The following CA12 variants were observed in gnomAD, a reference collection of about 807,000 sequenced individuals.
CA12 encodes the protein carbonate dehydratase XII.
Under a neutral mutation model 46.8 loss-of-function variants are expected in CA12, and 36 were observed. The ratio of observed to expected loss-of-function variants is 0.77; its 90% CI spans 0.59 to 1.02. The LOEUF (loss-of-function observed/expected upper bound fraction) is 1.02, where lower values mean the gene tolerates loss of function less well. Ranked by LOEUF, CA12 falls within the 50% of genes least tolerant of loss-of-function variation. The probability of loss-of-function intolerance (pLI) is 0.00; values close to 1 mark genes in which losing one functional copy is unlikely to be tolerated. For missense variants in CA12, 436 were observed against 451.4 expected (o/e 0.97, Z 0.31); for synonymous variants, 202 against 187.0 (o/e 1.08, Z -0.65).
intron 2 of CA12, among the ~76,000 whole-genome samples, chr15:63,347,218 G>A (rs1260685126): frequency 1.3e-5 from 2 of 152,170 alleles, no homozygotes; most frequent in Non-Finnish European, 2.9e-5. Context: ...TTATCTTGGT[G>A]CAAAAATAAT....
At position 63,373,848 on chromosome 15, in the gene CA12, G is replaced by A. The variant is rs1181221858; in HGVS notation, c.106+1810C>T. On this transcript the variant is annotated intron_variant, in intron 2 of 10. Coordinates refer to ENST00000178638, the MANE Select transcript of CA12 (RefSeq NM_001218.5). The surrounding 1 kb of genome is among the most constrained non-coding windows in gnomAD (Gnocchi z 4.9). ...ATATGGAATAAAGCCCAGAACCCAA[G>A]TGCCACCTTCTTTCCATGCCTGTCA... Among the ~76,000 whole-genome samples, 2 of 152,172 alleles carry A rather than the reference G, an allele frequency of 1.3e-5. No individual in the cohort carries two copies. The highest frequency in any genetic ancestry group is 2.4e-5 in the African/African-American group (1 of 41,434).
intron 2 of CA12, among the ~76,000 whole-genome samples, chr15:63,359,403 C>A (rs2039331646): frequency 6.6e-6 from 1 of 152,082 alleles, no homozygotes; most frequent in Admixed American, 6.6e-5. Context: ...CTCCTTCAAC[C>A]CTCACTTCCA....
chr15:63,336,734 C>A (rs1457708837), intron 8 of CA12, among the ~76,000 whole-genome samples: 1 of 151,648 alleles, frequency 6.6e-6, no homozygotes, highest in Non-Finnish European at 1.5e-5. Flanking sequence ...GAAGAAGGGA[C>A]ACGATTTGTC....
At chr15:63,360,016 C>T (rs2039341702) in intron 2 of CA12, among the ~76,000 whole-genome samples, 1 of 152,244 alleles carries the variant, frequency 6.6e-6, no homozygotes, top group Non-Finnish European at 1.5e-5. Flanking sequence ...GCTTTGCTTT[C>T]CCCACTCATC....
chr15:63,346,780 T>G (rs1316395607), intron 2 of CA12, 71 bp from the exon 3 acceptor site: 56 of 1,505,694 alleles, frequency 3.7e-5, no homozygotes, highest in Non-Finnish European at 5.0e-5. Context: ...TCTAATTCTC[T>G]GTTCAATACA....
In CA12 at chr15:63,378,564, G is replaced by T. The variant is rs552915561; in HGVS notation, c.86-2886C>A. Among the ~76,000 whole-genome samples the T allele has an allele frequency of 6.2e-4, 95 of 152,218 alleles. No homozygotes were observed. The highest frequency in any genetic ancestry group is 1.2e-3 in the Non-Finnish European group (80 of 68,018). On this transcript the variant is annotated intron_variant, in intron 1 of 10. Coordinates refer to ENST00000178638, the MANE Select transcript of CA12 (RefSeq NM_001218.5). The surrounding 1 kb of genome is among the most constrained non-coding windows in gnomAD (Gnocchi z 4.8). Reference sequence around the variant, plus strand: ...AACCACGGGGAAACCAAACTTGTATGTGACCCCCAAGTTTACTGCTCACCC... The same window carrying T: ...AACCACGGGGAAACCAAACTTGTATTTGACCCCCAAGTTTACTGCTCACCC...
rs1018913879 is a variant in CA12, at chr15:63,373,903, C to T, written c.106+1755G>A. The stretch of plus-strand genomic sequence containing the variant: ...CTACACACGGAACCTGCCCAAGGGG[C>T]CCTGTGGCCCAGATTCTGCGATTCT... On this transcript the variant is annotated intron_variant, in intron 2 of 10. Transcript: ENST00000178638. The surrounding 1 kb of genome is among the most constrained non-coding windows in gnomAD (Gnocchi z 4.9). 6.6e-6 allele frequency among the ~76,000 whole-genome samples: 1 copy of T among 152,210 alleles called. No homozygotes were observed. Among genetic ancestry groups the T allele is most frequent in the Non-Finnish European group, 1.5e-5 (1 of 68,032 alleles).
At position 63,327,496 on chromosome 15, in the gene CA12, T is replaced by C. The variant is rs949042417; in HGVS notation, c.908-263A>G. On this transcript the variant is annotated intron_variant, in intron 9 of 10. Transcript: ENST00000178638. This position sits in a 1 kb window ranked among gnomAD's most constrained non-coding sequence, Gnocchi z 4.5. The stretch of plus-strand genomic sequence containing the variant: ...TCATCTGAAGAGCTTGTTTAAAATG[T>C]AGGGTTTTTTTTTTTTTTTTAGCCC... Among the ~76,000 whole-genome samples, 4 of 142,968 alleles carry C rather than the reference T, an allele frequency of 2.8e-5. No homozygotes were observed. Among genetic ancestry groups the C allele is most frequent in the African/African-American group, 7.7e-5 (3 of 38,812 alleles). 93.8% of individuals were successfully genotyped at this position (142,968 alleles called of 152,430 possible). A position where few individuals can be genotyped will look rare whatever the true frequency, so the allele number is the denominator to read the frequency against.
rs2039282824 is a variant in CA12 at position 63,355,474 on chromosome 15, C to A, written c.107-8765G>T. ...CGGGCCCCACCCCAGGCCTACCGAA[C>A]CGGACACTCTGGGGGTGGCGCCCAG... is the stretch of plus-strand genomic sequence containing the variant. On this transcript the variant is annotated intron_variant, in intron 2 of 10. Transcript: ENST00000178638. The surrounding 1 kb of genome is among the most constrained non-coding windows in gnomAD (Gnocchi z 4.1). Among the ~76,000 whole-genome samples, 1 of 152,232 alleles carries A rather than the reference C, an allele frequency of 6.6e-6. No homozygotes were observed. The highest frequency in any genetic ancestry group is 2.4e-5 in the African/African-American group (1 of 41,456).
intron 8 of CA12, 33 bp downstream of exon 8, chr15:63,338,786 G>A (rs200455081): frequency 9.3e-6 from 15 of 1,612,592 alleles, no homozygotes; most frequent in South Asian, 3.3e-5. Flanking sequence ...CCACACTCCC[G>A]CACCCCCTCC....
chr15:63,368,467 C>T (rs1272447940), intron 2 of CA12, among the ~76,000 whole-genome samples: 2 of 152,214 alleles, frequency 1.3e-5, no homozygotes, highest in Non-Finnish European at 1.5e-5. Context: ...TTCTCTTCCT[C>T]AAGGAGAACC....
intron 1 of CA12, among the ~76,000 whole-genome samples, chr15:63,380,648 G>A (rs1318066160): frequency 6.6e-6 from 1 of 152,120 alleles, no homozygotes; most frequent in African/African-American, 2.4e-5. Flanking sequence ...TAGTTGACTG[G>A]AATTTAATTA....
Position 63,340,595 on chromosome 15 carries a change from C to T in CA12, c.589+125G>A, listed in dbSNP as rs143340184. 2.6e-5 allele frequency: 36 copies of T among 1,390,406 alleles called. No homozygotes were observed. In the East Asian group the frequency reaches 6.2e-4, roughly 24 times the overall value. 86.1% of individuals were successfully genotyped at this position (1,390,406 alleles called of 1,614,324 possible). A position where few individuals can be genotyped will look rare whatever the true frequency, so the allele number is the denominator to read the frequency against. ...CCTGGTTGCAACATTGTTCAACAACCTGCTGCTCTTAACCTGGTGAACACA... is the reference window on the plus strand; with the variant it reads ...CCTGGTTGCAACATTGTTCAACAACTTGCTGCTCTTAACCTGGTGAACACA... On this transcript the variant is annotated intron_variant, in intron 6 of 10. Coordinates refer to ENST00000178638, the MANE Select transcript of CA12 (RefSeq NM_001218.5). This position sits in a 1 kb window ranked among gnomAD's most constrained non-coding sequence, Gnocchi z 4.4.
Position 63,339,921 on chromosome 15 carries a change from C to G in CA12, c.747+367G>C, listed in dbSNP as rs2039053967. 1 of 344,352 alleles carries G rather than the reference C, an allele frequency of 2.9e-6. No individual in the cohort carries two copies. Among genetic ancestry groups the G allele is most frequent in the Admixed American group, 4.3e-5 (1 of 23,430 alleles). 21.3% of individuals were successfully genotyped at this position (344,352 alleles called of 1,614,324 possible). On this transcript the variant is annotated intron_variant, in intron 7 of 10. Transcript: ENST00000178638. The surrounding 1 kb of genome is among the most constrained non-coding windows in gnomAD (Gnocchi z 4.3). ...GGCAGGGACCCTCACTTAGTCATTG[C>G]TGCAATCCCATCTCTTAAATGATTT...
chr15:63,352,734 C>G (rs1290355559), intron 2 of CA12, among the ~76,000 whole-genome samples: 1 of 152,138 alleles, frequency 6.6e-6, no homozygotes, highest in African/African-American at 2.4e-5. Flanking sequence ...ATGACACGCC[C>G]TTTTTCAACA....
Position 63,348,039 on chromosome 15 carries a change from G to T in CA12, c.107-1330C>A, listed in dbSNP as rs946156761. Among the ~76,000 whole-genome samples the T allele has an allele frequency of 6.6e-6, 1 of 152,180 alleles. No homozygotes were observed. The highest frequency in any genetic ancestry group is 6.5e-5 in the Admixed American group (1 of 15,280). ...CCGTATCTGAGAGTGGGAAGAATCC[G>T]AAGTGATACTTGGTACCCAGGTTCA... On this transcript the variant is annotated intron_variant, in intron 2 of 10. Transcript: ENST00000178638. The surrounding 1 kb of genome is among the most constrained non-coding windows in gnomAD (Gnocchi z 4.6).
chr15:63,351,309 C>T (rs2039227788), intron 2 of CA12, among the ~76,000 whole-genome samples: 1 of 152,222 alleles, frequency 6.6e-6, no homozygotes, highest in Non-Finnish European at 1.5e-5. Context: ...AGGCTTCCCA[C>T]AGGCAACCAG....
At chr15:63,336,722 C>CA (rs2039009407) in intron 8 of CA12, among the ~76,000 whole-genome samples, 1 of 150,798 alleles carries the variant, frequency 6.6e-6, no homozygotes, top group Non-Finnish European at 1.5e-5. Context: ...AAACCAAGGC[C>CA]TGAAGAAGGG....
rs1567039198 is a variant in CA12 at position 63,326,106 on chromosome 15, C to T, written c.*179G>A. ...TGCATCCCATCCATCGATCGGATGG[C>T]TCTGGGGTGGCCATGGTCCCAAGGC... On this transcript the variant is annotated 3_prime_UTR_variant, in exon 11 of 11. Coordinates refer to ENST00000178638, the MANE Select transcript of CA12 (RefSeq NM_001218.5). 9 of 649,440 alleles carry T rather than the reference C, an allele frequency of 1.4e-5. No individual in the cohort carries two copies. The East Asian group carries it at 2.5e-4, about 18-fold the overall frequency. 40.2% of individuals were successfully genotyped at this position (649,440 alleles called of 1,614,324 possible).
Sources: allele counts gnomAD v4.1 joint callset (sites outside exome capture counted in the v4.1 genomes callset), GRCh38; gene constraint gnomAD v4.1.1; non-coding constraint Gnocchi (gnomAD v3.1); transcripts MANE v1.5; gene names NCBI Gene and HGNC (gene_info 2026-07-23, HGNC 2026-07-21).